PACSIN2: variants seen among roughly 807,000 people sequenced by gnomAD.
The protein encoded by PACSIN2 is protein kinase C and casein kinase substrate in neurons protein 2.
A neutral mutation model predicts 63.8 loss-of-function variants in PACSIN2; 25 were observed. The ratio of observed to expected loss-of-function variants is 0.39; its 90% CI spans 0.29 to 0.55. The LOEUF is 0.55. PACSIN2 is among the 20% of genes least tolerant of loss of function. PACSIN2 has a pLI of 0.62. For missense variants in PACSIN2, 518 were observed against 646.9 expected (o/e 0.80, Z 2.16); for synonymous variants, 255 against 256.2 (o/e 1.00, Z 0.05).
chr22:42,883,856 T>C (rs144079616), intron 6 of PACSIN2, among the ~76,000 whole-genome samples: 17,177 of 151,952 alleles, frequency 0.11, 1,153 homozygotes, highest in Middle Eastern at 0.19. Flanking sequence ...ATACAGAAAT[T>C]AGCTGGGTGT....
chr22:43,013,380 A>G (rs796854410), intron 1 of PACSIN2, among the ~76,000 whole-genome samples: 29 of 152,374 alleles, frequency 1.9e-4, no homozygotes, highest in African/African-American at 6.7e-4. Flanking sequence ...TAGTGGCCTC[A>G]TATCTCAACC....
chr22:42,914,215 G>A (rs920762350), intron 1 of PACSIN2, among the ~76,000 whole-genome samples: 4 of 152,160 alleles, frequency 2.6e-5, no homozygotes, highest in Admixed American at 6.5e-5. Context: ...ACCTGGCCTG[G>A]GCCCTGATGC....
chr22:42,893,383 T>A, intron 3 of PACSIN2, 74 bp downstream of exon 3: 3 of 1,469,014 alleles, frequency 2.0e-6, no homozygotes, highest in Non-Finnish European at 2.8e-6. Context: ...ATAGAGAGGG[T>A]CACAACGTGC....
intron 1 of PACSIN2, among the ~76,000 whole-genome samples, chr22:42,950,265 A>G (rs1181273859): frequency 6.6e-6 from 1 of 152,052 alleles, no homozygotes; most frequent in Non-Finnish European, 1.5e-5. Context: ...ATGCAAATAC[A>G]ACACTATTTT....
At chr22:42,877,369 T>TG (rs912866048) in intron 8 of PACSIN2, among the ~76,000 whole-genome samples, 28 of 152,028 alleles carry the variant, frequency 1.8e-4, no homozygotes, top group African/African-American at 6.0e-4. Flanking sequence ...CAATGTGAGC[T>TG]GGGGGGGTCA....
At chr22:42,899,351 A>G (rs1930511224) in intron 2 of PACSIN2, among the ~76,000 whole-genome samples, 1 of 152,092 alleles carries the variant, frequency 6.6e-6, no homozygotes, top group South Asian at 2.1e-4. Context: ...CAGTGGTGCC[A>G]TCTCGGCTCA....
intron 1 of PACSIN2, among the ~76,000 whole-genome samples, chr22:43,003,882 GTCACC>G (rs1176465797): frequency 1.3e-5 from 2 of 152,146 alleles, no homozygotes; most frequent in Non-Finnish European, 2.9e-5. Context: ...GTACCAGCGA[GTCACC>G]CACGGCCTTG....
intron 1 of PACSIN2, among the ~76,000 whole-genome samples, chr22:42,951,593 G>A (rs1933695321): frequency 6.6e-6 from 1 of 152,172 alleles, no homozygotes; most frequent in South Asian, 2.1e-4. Context: ...CCAGGACACA[G>A]CTGCTCAGGA....
At chr22:42,951,012 G>A (rs987205651) in intron 1 of PACSIN2, among the ~76,000 whole-genome samples, 1 of 152,190 alleles carries the variant, frequency 6.6e-6, no homozygotes, top group African/African-American at 2.4e-5. Context: ...GGTGGTCAGG[G>A]AAGGTTGTCC....
In PACSIN2 at chr22:42,870,049, G is replaced by GCCCGCGTGGCC. The variant is rs1346388350; in HGVS notation, c.*1297_*1307dup. The GCCCGCGTGGCC allele has an allele frequency of 1.3e-5, 2 of 151,940 alleles. No individual in the cohort carries two copies. The highest frequency in any genetic ancestry group is 2.9e-5 in the Non-Finnish European group (2 of 68,000). 9.4% of individuals were successfully genotyped at this position (151,940 alleles called of 1,614,324 possible). A position where few individuals can be genotyped will look rare whatever the true frequency, so the allele number is the denominator to read the frequency against. The stretch of plus-strand genomic sequence containing the variant: ...CCCCACGTTCCCCCCACCCCCGCCG[G>GCCCGCGTGGCC]CCCGCGTGGCCCCCGCGTAACTCTG... On this transcript the variant is annotated 3_prime_UTR_variant, in exon 11 of 11. Transcript: ENST00000263246.
At chr22:42,956,224 A>T (rs925056414) in intron 1 of PACSIN2, among the ~76,000 whole-genome samples, 11 of 152,236 alleles carry the variant, frequency 7.2e-5, no homozygotes, top group Non-Finnish European at 1.5e-4. Flanking sequence ...TTTCAAATTA[A>T]TTCTAACTTC....
intron 2 of PACSIN2, among the ~76,000 whole-genome samples, chr22:42,901,587 T>C (rs1269809509): frequency 1.3e-5 from 2 of 152,198 alleles, no homozygotes; most frequent in Non-Finnish European, 2.9e-5. Context: ...GAGCTATTCC[T>C]GTGAGGACCA....
intron 1 of PACSIN2, among the ~76,000 whole-genome samples, chr22:42,941,992 GTCTCGAAC>G (rs928260415): frequency 2.2e-4 from 34 of 152,216 alleles, no homozygotes; most frequent in African/African-American, 7.0e-4. Context: ...GGCCAGGCTG[GTCTCGAAC>G]TCTTGACCTC....
intron 2 of PACSIN2, 66 bp from the exon 3 acceptor site, chr22:42,893,679 T>C: frequency 6.5e-7 from 1 of 1,542,524 alleles, no homozygotes; most frequent in Non-Finnish European, 8.9e-7. Context: ...GTGGCACAAA[T>C]GGCCTCCATG....
At chr22:42,875,152 C>CTTT (rs34029113) in intron 10 of PACSIN2, among the ~76,000 whole-genome samples, 2 of 146,810 alleles carry the variant, frequency 1.4e-5, no homozygotes, top group East Asian at 4.0e-4. Flanking sequence ...GCCCAGCCTA[C>CTTT]TTTTTTTTTT....
At chr22:42,889,398 A>ACACACACACACACACACACACACT (rs778420398) in intron 4 of PACSIN2, among the ~76,000 whole-genome samples, 9 of 151,424 alleles carry the variant, frequency 5.9e-5, no homozygotes, top group East Asian at 5.8e-4. Context: ...ACACACACAC[A>ACACACACACACACACACACACACT]CTCTTAACAG....
Position 42,966,054 on chromosome 22 carries a change from T to A in PACSIN2, c.-78+48967A>T, listed in dbSNP as rs142856353. ...AAATCCTACTTGTTAGCCTTTCATATGTTTCATGAACCAAGATGTAAATAG... is the reference window on the plus strand; with the variant it reads ...AAATCCTACTTGTTAGCCTTTCATAAGTTTCATGAACCAAGATGTAAATAG... On this transcript the variant is annotated intron_variant, in intron 1 of 10. Coordinates refer to ENST00000263246, the MANE Select transcript of PACSIN2 (RefSeq NM_001184970.3). Among the ~76,000 whole-genome samples the A allele has an allele frequency of 3.7e-3, 565 of 152,340 alleles. 1 individual carries two copies. The highest frequency in any genetic ancestry group is 6.8e-3 in the Non-Finnish European group (460 of 68,028).
chr22:42,880,019 T>C (rs1311232509), intron 7 of PACSIN2, among the ~76,000 whole-genome samples: 1 of 152,174 alleles, frequency 6.6e-6, no homozygotes, highest in African/African-American at 2.4e-5. Flanking sequence ...AAACCATGAA[T>C]GGAGACTGTG....
chr22:42,989,911 T>G (rs1021793201), intron 1 of PACSIN2, among the ~76,000 whole-genome samples: 5 of 149,198 alleles, frequency 3.4e-5, no homozygotes, highest in Non-Finnish European at 4.4e-5. Context: ...TATATGTATA[T>G]ATATGTGTGT....
Sources: gnomAD v4.1 joint callset for allele counts (sites outside exome capture counted in the v4.1 genomes callset) on GRCh38, gnomAD v4.1.1 for gene constraint, MANE v1.5 for transcripts, NCBI Gene and HGNC (gene_info 2026-07-23, HGNC 2026-07-21) for gene names.